The following ZNF131 variants were observed in gnomAD, a reference collection of about 807,000 sequenced individuals.
ZNF131 encodes zinc finger protein 131.
A neutral mutation model predicts 60.0 loss-of-function variants in ZNF131; 7 were observed. That is an observed-to-expected ratio of 0.12 (90% CI 0.07 to 0.22). ZNF131 has a LOEUF of 0.22. ZNF131 is among the 10% of genes least tolerant of loss of function. ZNF131 has a pLI of 1.00. For synonymous variants in ZNF131, 257 were observed against 253.2 expected (o/e 1.01, Z -0.14); for missense variants, 493 against 740.9 (o/e 0.67, Z 3.88).
Position 43,160,951 on chromosome 5 carries a change from G to A in ZNF131, c.372-298G>A, listed in dbSNP as rs529578096. On this transcript the variant is annotated intron_variant, in intron 4 of 6. Coordinates refer to ENST00000682664, the MANE Select transcript of ZNF131 (RefSeq NM_001330707.2). ...CTGCCTTGGCCTCCCAAAGTGTTGC[G>A]ATTACAGGCATGAGCCACTGCACCT... 7.9e-5 allele frequency among the ~76,000 whole-genome samples: 12 copies of A among 152,154 alleles called. No homozygotes were observed. In the South Asian group the frequency reaches 2.1e-3, roughly 26 times the overall value.
At chr5:43,134,563 T>C (rs1223053977) in intron 3 of ZNF131, among the ~76,000 whole-genome samples, 1 of 152,090 alleles carries the variant, frequency 6.6e-6, no homozygotes, top group Non-Finnish European at 1.5e-5. Context: ...GGAATCAATC[T>C]CTTTTTGCAG....
rs2112160315 is a variant in ZNF131 at position 43,176,110 on chromosome 5, C to T, written c.*977C>T. 6.6e-6 allele frequency: 1 copy of T among 152,240 alleles called. No individual in the cohort carries two copies. Among genetic ancestry groups the T allele is most frequent in the African/African-American group, 2.4e-5 (1 of 41,538 alleles). The allele number at this position is 152,240 out of a possible 1,614,324, so 9.4% of individuals were successfully genotyped here. A position where few individuals can be genotyped will look rare whatever the true frequency, so the allele number is the denominator to read the frequency against. Reference sequence around the variant, plus strand: ...CTTTGTTTTGAATGGAATCTTTTCCCCCAATTCTTAATGTAAAGATCTTGT... The same window carrying T: ...CTTTGTTTTGAATGGAATCTTTTCCTCCAATTCTTAATGTAAAGATCTTGT... On this transcript the variant is annotated 3_prime_UTR_variant, in exon 7 of 7. Coordinates refer to ENST00000682664, the MANE Select transcript of ZNF131 (RefSeq NM_001330707.2).
At chr5:43,132,541 C>T (rs1393628086) in intron 3 of ZNF131, among the ~76,000 whole-genome samples, 8 of 136,332 alleles carry the variant, frequency 5.9e-5, no homozygotes, top group Admixed American at 2.5e-4. Context: ...GACAGAGTCT[C>T]GCTGTATTGC....
intron 5 of ZNF131, among the ~76,000 whole-genome samples, chr5:43,167,265 G>A (rs758802249): frequency 6.6e-6 from 1 of 152,186 alleles, no homozygotes; most frequent in South Asian, 2.1e-4. Flanking sequence ...TAATTACAGT[G>A]ACAGACGTGA....
chr5:43,154,604 C>G (rs1305089779), intron 4 of ZNF131, among the ~76,000 whole-genome samples: 1 of 119,926 alleles, frequency 8.3e-6, no homozygotes, highest in Non-Finnish European at 1.8e-5. Flanking sequence ...GTAACAGTGG[C>G]AGACTTCTGC....
intron 5 of ZNF131, chr5:43,167,957 T>C (rs748826164): frequency 2.9e-5 from 13 of 453,734 alleles, no homozygotes; most frequent in Non-Finnish European, 4.0e-5. Flanking sequence ...TTCACTGTTA[T>C]GAGGCCACAT....
chr5:43,144,314 C>T (rs186120963), intron 4 of ZNF131, among the ~76,000 whole-genome samples: 18 of 140,988 alleles, frequency 1.3e-4, no homozygotes, highest in Admixed American at 1.2e-3. Context: ...CCGCAACCTC[C>T]GCCTGCCAGG....
intron 4 of ZNF131, among the ~76,000 whole-genome samples, chr5:43,142,461 A>G (rs560906104): frequency 5.3e-5 from 8 of 150,484 alleles, no homozygotes; most frequent in African/African-American, 1.2e-4. Context: ...CCGCCACCAC[A>G]CCCGGCTAAT....
At chr5:43,158,747 CT>C (rs1314554661) in intron 4 of ZNF131, among the ~76,000 whole-genome samples, 1 of 152,156 alleles carries the variant, frequency 6.6e-6, no homozygotes, top group African/African-American at 2.4e-5. Flanking sequence ...GCTTTGTTGA[CT>C]ATACAGTGTA....
intron 4 of ZNF131, among the ~76,000 whole-genome samples, chr5:43,141,341 A>ATATGGATGG (rs1746798108): frequency 1.3e-5 from 2 of 152,188 alleles, no homozygotes; most frequent in African/African-American, 4.8e-5. Context: ...AAAAGATTAA[A>ATATGGATGG]GGAAATATAT....
chr5:43,165,297 G>A (rs1750211444), intron 5 of ZNF131, among the ~76,000 whole-genome samples: 1 of 146,730 alleles, frequency 6.8e-6, no homozygotes, highest in South Asian at 2.2e-4. Context: ...GGTTTCTTTT[G>A]AGACCTCTCT....
At chr5:43,128,386 G>T (rs936063875) in intron 3 of ZNF131, among the ~76,000 whole-genome samples, 2 of 152,196 alleles carry the variant, frequency 1.3e-5, no homozygotes, top group Admixed American at 1.3e-4. Flanking sequence ...GCTGGGCATG[G>T]TGGCTCACGC....
In ZNF131 at chr5:43,146,762, C is replaced by T. The variant is rs547757952; in HGVS notation, c.371+7453C>T. On this transcript the variant is annotated intron_variant, in intron 4 of 6. Coordinates refer to ENST00000682664, the MANE Select transcript of ZNF131 (RefSeq NM_001330707.2). ...CTCTACTGAAAATACAAAAATTAGCCGGACATGGTGGCGTGCGCCTATAGT... is the reference window on the plus strand; with the variant it reads ...CTCTACTGAAAATACAAAAATTAGCTGGACATGGTGGCGTGCGCCTATAGT... Among the ~76,000 whole-genome samples the T allele has an allele frequency of 5.6e-3, 851 of 151,768 alleles. 5 individuals are homozygous for T. The highest frequency in any genetic ancestry group is 7.4e-3 in the Non-Finnish European group (502 of 67,938).
intron 3 of ZNF131, chr5:43,124,624 T>A (rs773068147): frequency 2.0e-5 from 3 of 152,174 alleles, no homozygotes; most frequent in Non-Finnish European, 2.9e-5. Context: ...GATAGTGGTT[T>A]CTACTACAAA....
At chr5:43,127,467 C>T (rs1744697017) in intron 3 of ZNF131, among the ~76,000 whole-genome samples, 1 of 152,244 alleles carries the variant, frequency 6.6e-6, no homozygotes, top group Admixed American at 6.5e-5. Flanking sequence ...GGAACAAGAT[C>T]CCCAGATGGT....
chr5:43,151,143 G>A (rs192876618), intron 4 of ZNF131, among the ~76,000 whole-genome samples: 2 of 152,324 alleles, frequency 1.3e-5, no homozygotes, highest in East Asian at 3.9e-4. Context: ...CCAGTGGCTT[G>A]AAGCTGACAT....
At chr5:43,172,705 A>G (rs556421207) in intron 5 of ZNF131, among the ~76,000 whole-genome samples, 1 of 150,826 alleles carries the variant, frequency 6.6e-6, no homozygotes, top group Non-Finnish European at 1.5e-5. Context: ...GGACATCTCC[A>G]CCTGTTTTAT....
chr5:43,164,576 A>G (rs760262721), intron 5 of ZNF131, among the ~76,000 whole-genome samples: 1 of 152,216 alleles, frequency 6.6e-6, no homozygotes, highest in South Asian at 2.1e-4. Flanking sequence ...TTTATAGCCT[A>G]TGAATGTGAA....
In ZNF131 at chr5:43,175,038, G is replaced by A. The variant is rs1168529102; in HGVS notation, c.1777G>A (p.Glu593Lys). Residue 593 changes from glutamate to lysine, a missense_variant, in exon 7 of 7, where the codon GAA becomes AAA. Physicochemically the swap from Glu to Lys is moderately conservative, Grantham distance 56. Coordinates refer to ENST00000682664, the MANE Select transcript of ZNF131 (RefSeq NM_001330707.2). ...DAAEAAREDH[E>K]DAEDLETKPT... ...TGCTGAGGCTGCCAGGGAAGATCACGAAGATGCTGAGGATTTAGAGACCAA... is the reference window on the plus strand; with the variant it reads ...TGCTGAGGCTGCCAGGGAAGATCACAAAGATGCTGAGGATTTAGAGACCAA... The A allele has an allele frequency of 3.1e-6, 5 of 1,614,030 alleles. No individual in the cohort carries two copies. Among genetic ancestry groups the A allele is most frequent in the East Asian group, 4.5e-5 (2 of 44,902 alleles).
Sources: allele counts gnomAD v4.1 joint callset (sites outside exome capture counted in the v4.1 genomes callset), GRCh38; gene constraint gnomAD v4.1.1; transcripts MANE v1.5; gene names NCBI Gene and HGNC (gene_info 2026-07-23, HGNC 2026-07-21).